FETUB: variants seen among roughly 807,000 people sequenced by gnomAD.
FETUB encodes fetuin B.
A neutral mutation model predicts 30.9 loss-of-function variants in FETUB; 28 were observed. That is an observed-to-expected ratio of 0.90 (90% CI 0.67 to 1.24). The LOEUF (loss-of-function observed/expected upper bound fraction) is 1.24. Ranked by LOEUF, FETUB falls within the 50% of genes most tolerant of loss-of-function variation. The pLI is 0.00. For synonymous variants in FETUB, 186 were observed against 175.9 expected, an observed-to-expected ratio of 1.06 and a Z score of -0.45; for missense variants, 469 against 455.3, an observed-to-expected ratio of 1.03 and a Z score of -0.27.
At chr3:186,651,935 C>A (rs1381359698) in intron 6 of FETUB, 1 of 188,936 alleles carries the variant, frequency 5.3e-6, no homozygotes, top group African/African-American at 2.4e-5. Flanking sequence ...GCAGAATAAA[C>A]AAGCAAGGAA....
chr3:186,637,762 C>T (rs1486892792), upstream of FETUB, among the ~76,000 whole-genome samples: 1 of 152,248 alleles, frequency 6.6e-6, no homozygotes, highest in Non-Finnish European at 1.5e-5. Flanking sequence ...GACAGCTGTC[C>T]TTGGACATTG....
intron 4 of FETUB, 100 bp from the exon 5 acceptor site, chr3:186,646,147 TG>T (rs760283640): frequency 1.6e-5 from 12 of 763,870 alleles, no homozygotes; most frequent in Admixed American, 2.0e-5. Context: ...ACAATGCCTC[TG>T]GTGACATATT....
chr3:186,639,940 C>T (rs1716908936), upstream of FETUB, among the ~76,000 whole-genome samples: 2 of 152,214 alleles, frequency 1.3e-5, no homozygotes, highest in Admixed American at 1.3e-4. Context: ...GGAATCTCAA[C>T]TGTGCTTCTG....
upstream of FETUB, among the ~76,000 whole-genome samples, chr3:186,637,041 C>A (rs1716796100): frequency 6.6e-6 from 1 of 152,166 alleles, no homozygotes; most frequent in South Asian, 2.1e-4. Flanking sequence ...AGACCTCAGG[C>A]AGGCAATGTA....
At chr3:186,649,245 T>C (rs2108540819) in intron 5 of FETUB, among the ~76,000 whole-genome samples, 1 of 151,032 alleles carries the variant, frequency 6.6e-6, no homozygotes, top group East Asian at 2.0e-4. Flanking sequence ...CTTTAATGGC[T>C]TTTCCCACTT....
chr3:186,649,573 C>T (rs59084173), intron 5 of FETUB, among the ~76,000 whole-genome samples: 24,788 of 152,042 alleles, frequency 0.16, 2,142 homozygotes, highest in East Asian at 0.24. Context: ...TGGGTTCAAG[C>T]GATTCTCCTG....
Position 186,644,896 on chromosome 3 carries a change from C to T in FETUB, c.570C>T (p.Phe190=), listed in dbSNP as rs113428750. Residue 190 remains phenylalanine, a synonymous_variant, in exon 4 of 7, where the codon TTC becomes TTT. Transcript: ENST00000265029. ...ACACATCCAAGCAGTATTCTCTCTT[C>T]AAAGTCACCAGGGCTTCTAGCCAGG... The part of the protein sequence containing the change: ...NENTSKQYSL[F]KVTRASSQWV... 9.2e-5 allele frequency: 149 copies of T among 1,613,232 alleles called. No individual in the cohort carries two copies. In the African/African-American group the frequency reaches 1.4e-3, roughly 15 times the overall value.
At chr3:186,640,388 T>A (rs1336139817), upstream of FETUB, 1 of 1,215,920 alleles carries the variant, frequency 8.2e-7, no homozygotes, top group Non-Finnish European at 1.2e-6. Context: ...AAGTCTGCCT[T>A]AAAGAGCCTT....
Position 186,646,341 on chromosome 3 carries a change from G to A in FETUB, c.688G>A (p.Asp230Asn), listed in dbSNP as rs529475246. The change falls in exon 5 of 7, where the codon GAC becomes AAC. Residue 230 changes from aspartate to asparagine, a missense_variant. Transcript: ENST00000265029. ...QASSCSLQSS[D>N]SVPVGLCKGS... The stretch of plus-strand genomic sequence containing the variant: ...CAGCAGCTGTTCACTTCAGTCCTCC[G>A]ACTCTGTGGTGAGTTTTCCTGAATG... 24 of 1,610,714 alleles carry A rather than the reference G, an allele frequency of 1.5e-5. No individual in the cohort carries two copies. The highest frequency in any genetic ancestry group is 8.3e-5 in the Admixed American group (5 of 59,996).
Position 186,640,539 on chromosome 3 carries a change from A to C in FETUB, c.79A>C (p.Asn27His). 6.2e-7 allele frequency: 1 copy of C among 1,614,164 alleles called. No individual in the cohort carries two copies. The highest frequency in any genetic ancestry group is 8.5e-7 in the Non-Finnish European group (1 of 1,180,030). The change falls in exon 1 of 7, where the codon AAC becomes CAC. Residue 27 changes from asparagine (N) to histidine (H), a missense_variant. By Grantham distance (68) the Asn-to-His change is moderately conservative. Coordinates refer to ENST00000265029, the MANE Select transcript of FETUB (RefSeq NM_014375.3). ...GAMSPPQLAL[N>H]PSALLSRGCN... ...AATGTCTCCACCCCAGCTGGCCCTCAACCCCTCGGCTCTGCTCTCCCGGGG... is the reference window on the plus strand; with the variant it reads ...AATGTCTCCACCCCAGCTGGCCCTCCACCCCTCGGCTCTGCTCTCCCGGGG...
At chr3:186,651,494 C>A in intron 6 of FETUB, 193 bp downstream of exon 6, 1 of 570,986 alleles carries the variant, frequency 1.8e-6, no homozygotes, top group African/African-American at 1.9e-5. Flanking sequence ...GCAATATGGT[C>A]CTGCAGAATA....
upstream of FETUB, among the ~76,000 whole-genome samples, chr3:186,637,449 C>A (rs752678581): frequency 2.6e-5 from 4 of 152,188 alleles, no homozygotes; most frequent in Admixed American, 1.3e-4. Context: ...TGCCTAATCA[C>A]GTGTGCTGTG....
At chr3:186,643,895 A>G (rs1171788775) in intron 3 of FETUB, among the ~76,000 whole-genome samples, 3 of 152,248 alleles carry the variant, frequency 2.0e-5, no homozygotes, top group Non-Finnish European at 4.4e-5. Flanking sequence ...ATCTGACTGT[A>G]CTTAATGTGA....
At chr3:186,636,156 G>A (rs1375044198), upstream of FETUB, 1 of 152,296 alleles carries the variant, frequency 6.6e-6, no homozygotes, top group East Asian at 1.9e-4. Context: ...CTGAGGCCCT[G>A]GCTCGGGAGC....
rs201001948 is a variant in FETUB, at chr3:186,641,105, T to A, written c.301T>A (p.Trp101Arg). The A allele has an allele frequency of 1.9e-6, 3 of 1,613,690 alleles. No individual in the cohort carries two copies. Residue 101 changes from tryptophan (W) to arginine (R), a missense_variant, in exon 2 of 7, where the codon TGG (tryptophan) becomes AGG (arginine). Coordinates refer to ENST00000265029, the MANE Select transcript of FETUB (RefSeq NM_014375.3). ...TDCHVLRKKAWQDCGMRIFFE... is the reference protein window; with the variant it reads ...TDCHVLRKKARQDCGMRIFFE... The stretch of plus-strand genomic sequence containing the variant: ...CTGCCATGTGCTCAGAAAGAAGGCA[T>A]GGCAAGACTGTGGAATGAGGATATT...
At chr3:186,649,864 C>A (rs1717859764) in intron 5 of FETUB, among the ~76,000 whole-genome samples, 1 of 152,222 alleles carries the variant, frequency 6.6e-6, no homozygotes, top group Non-Finnish European at 1.5e-5. Context: ...CTTTCTTTAG[C>A]TTCCACTTTT....
chr3:186,651,451 C>T, intron 6 of FETUB, 150 bp downstream of exon 6: 1 of 644,230 alleles, frequency 1.6e-6, no homozygotes. Context: ...CACAGGATAG[C>T]CAGTCAAAGA....
intron 1 of FETUB, 96 bp from the exon 2 acceptor site, chr3:186,640,934 C>T: frequency 1.3e-6 from 1 of 779,966 alleles, no homozygotes; most frequent in Non-Finnish European, 2.2e-6. Context: ...CACAAATATT[C>T]TTTGGCTTTG....
Position 186,642,579 on chromosome 3 carries a change from T to G in FETUB, c.424+21T>G, listed in dbSNP as rs548322957. The G allele has an allele frequency of 2.9e-5, 42 of 1,443,488 alleles. No homozygotes were observed. In the East Asian group the frequency reaches 4.3e-4, roughly 15 times the overall value. The allele number at this position is 1,443,488 out of a possible 1,614,324, so 89.4% of individuals were successfully genotyped here. ...CCCAGGTAAGAAATCACTACGATTT[T>G]GTTAGTTTTAATAAAGGATGGAAAA... On this transcript the variant is annotated intron_variant, in intron 3 of 6. Transcript: ENST00000265029.
Sources: allele counts gnomAD v4.1 joint callset (sites outside exome capture counted in the v4.1 genomes callset), GRCh38; gene constraint gnomAD v4.1.1; transcripts MANE v1.5; gene names NCBI Gene and HGNC (gene_info 2026-07-23, HGNC 2026-07-21).